Variants in LARP1B observed in about 807,000 individuals in gnomAD.
LARP1B encodes la-related protein 1B.
In LARP1B, 76 loss-of-function variants were observed where a neutral mutation model predicts 114.2. That is an observed-to-expected ratio of 0.67 (90% CI 0.55 to 0.81). The LOEUF is 0.81. Among genes scored for constraint, LARP1B ranks in the 30% least tolerant of loss-of-function variants. The probability of loss-of-function intolerance (pLI) is 0.00; values close to 1 mark genes in which losing one functional copy is unlikely to be tolerated. For missense variants in LARP1B, 1,014 were observed against 1,075.8 expected, an observed-to-expected ratio of 0.94 and a Z score of 0.80; for synonymous variants, 345 against 348.0, an observed-to-expected ratio of 0.99 and a Z score of 0.10.
chr4:128,095,831 T>A (rs1450530541), intron 7 of LARP1B, among the ~76,000 whole-genome samples: 2 of 152,150 alleles, frequency 1.3e-5, no homozygotes, highest in African/African-American at 4.8e-5. Context: ...TTTGAAAACT[T>A]TCTCTGTGAT....
intron 11 of LARP1B, among the ~76,000 whole-genome samples, chr4:128,126,249 G>A (rs997398415): frequency 5.3e-5 from 8 of 150,778 alleles, no homozygotes; most frequent in African/African-American, 2.0e-4. Flanking sequence ...AGCCTCCAAA[G>A]TAGCTGGGAT....
chr4:128,116,338 T>C (rs11939629), intron 10 of LARP1B, among the ~76,000 whole-genome samples: 4,054 of 152,304 alleles, frequency 0.027, 169 homozygotes, highest in African/African-American at 0.093. Context: ...TGTGAGATGT[T>C]AACATTGGGG....
At chr4:128,122,395 T>C in intron 11 of LARP1B, 1 of 1,479,562 alleles carries the variant, frequency 6.8e-7, no homozygotes, top group Non-Finnish European at 9.0e-7. Context: ...TGATGAATAC[T>C]GTAATTACAA....
chr4:128,187,768 A>G (rs1295218804), intron 15 of LARP1B, among the ~76,000 whole-genome samples: 4 of 152,138 alleles, frequency 2.6e-5, no homozygotes, highest in Non-Finnish European at 4.4e-5. Context: ...AATCCCCAGT[A>G]TTGGAGGTGG....
chr4:128,099,474 A>G (rs528528295), intron 8 of LARP1B, among the ~76,000 whole-genome samples: 13 of 151,860 alleles, frequency 8.6e-5, no homozygotes, highest in Non-Finnish European at 1.3e-4. Flanking sequence ...TTTAGTAGAG[A>G]CAGGGTTTCC....
chr4:128,121,459 A>C (rs749463273), intron 10 of LARP1B, among the ~76,000 whole-genome samples: 31 of 152,388 alleles, frequency 2.0e-4, no homozygotes, highest in Non-Finnish European at 4.4e-4. Flanking sequence ...AGCTGGGAAT[A>C]CAGCAATCCA....
chr4:128,126,892 G>A (rs535671820), intron 11 of LARP1B, among the ~76,000 whole-genome samples: 2 of 151,342 alleles, frequency 1.3e-5, no homozygotes, highest in Non-Finnish European at 2.9e-5. Flanking sequence ...TTTAGTCAGA[G>A]TTCCAGAATG....
In LARP1B at chr4:128,068,943, A is replaced by G. The variant is rs1008518434; in HGVS notation, c.-77-5517A>G. On this transcript the variant is annotated intron_variant, in intron 1 of 19. Transcript: ENST00000326639. ...TCTGCAGACTAGTTTTAACAGATAA[A>G]TAATACCTGTAAGCAGACATGATTG... is the stretch of plus-strand genomic sequence containing the variant. 4 of 556,096 alleles carry G rather than the reference A, an allele frequency of 7.2e-6. No homozygotes were observed. The African/African-American group carries it at 7.5e-5, about 10-fold the overall frequency. 34.4% of individuals were successfully genotyped at this position (556,096 alleles called of 1,614,324 possible). A position where few individuals can be genotyped will look rare whatever the true frequency, so the allele number is the denominator to read the frequency against.
chr4:128,179,562 T>C lies in LARP1B; in HGVS notation c.2003+50T>C, dbSNP rs1405021524. 3 of 1,169,956 alleles carry C rather than the reference T, an allele frequency of 2.6e-6. No homozygotes were observed. In the African/African-American group the frequency reaches 4.6e-5, roughly 18 times the overall value. 72.5% of individuals were successfully genotyped at this position (1,169,956 alleles called of 1,614,324 possible). On this transcript the variant is annotated intron_variant, in intron 15 of 19. Coordinates refer to ENST00000326639, the MANE Select transcript of LARP1B (RefSeq NM_018078.4). ...TTTTTGTTCGTGATTTGAAGTTTTT[T>C]GAAAACAGTTACTAATTGGATATTT...
chr4:128,199,240 G>A (rs1292656857), intron 15 of LARP1B, among the ~76,000 whole-genome samples, 199 bp from the exon 16 acceptor site: 1 of 152,098 alleles, frequency 6.6e-6, no homozygotes, highest in Non-Finnish European at 1.5e-5. Context: ...CTTTTTATCA[G>A]CTTCTGAATT....
At chr4:128,102,003 G>GTA (rs1243279007) in intron 8 of LARP1B, among the ~76,000 whole-genome samples, 2 of 152,188 alleles carry the variant, frequency 1.3e-5, no homozygotes, top group Non-Finnish European at 2.9e-5. Context: ...ACCTACAGCA[G>GTA]TAAGGAAGGA....
intron 15 of LARP1B, among the ~76,000 whole-genome samples, chr4:128,197,715 GA>G (rs900559052): frequency 3.3e-5 from 5 of 151,106 alleles, no homozygotes; most frequent in South Asian, 2.1e-4. Flanking sequence ...AACAAAGAAA[GA>G]AAAAAAACCT....
At chr4:128,200,453 A>G in intron 16 of LARP1B, 68 bp from the exon 17 acceptor site, 2 of 1,009,742 alleles carry the variant, frequency 2.0e-6, no homozygotes, top group Non-Finnish European at 2.8e-6. Flanking sequence ...CATTTTATAT[A>G]TAACATCTGC....
At chr4:128,062,920 A>G (rs1426806888) in intron 1 of LARP1B, among the ~76,000 whole-genome samples, 3 of 152,168 alleles carry the variant, frequency 2.0e-5, no homozygotes, top group African/African-American at 7.2e-5. Context: ...TAATTAAAAA[A>G]AATAAAGTGC....
chr4:128,061,735 G>A, intron 1 of LARP1B: 1 of 984,996 alleles, frequency 1.0e-6, no homozygotes, highest in African/African-American at 1.7e-5. Context: ...ATTCTCGGGA[G>A]GATCCGCCCG....
chr4:128,089,157 G>A (rs1774862212), intron 5 of LARP1B, among the ~76,000 whole-genome samples: 1 of 151,962 alleles, frequency 6.6e-6, no homozygotes, highest in South Asian at 2.1e-4. Context: ...AGTGGGTGGT[G>A]GTCATGGATG....
chr4:128,112,437 G>A (rs1170778767), intron 9 of LARP1B, among the ~76,000 whole-genome samples: 1 of 143,050 alleles, frequency 7.0e-6, no homozygotes, highest in Admixed American at 7.1e-5. Context: ...TGAAGTGATA[G>A]ATAACTGCAT....
chr4:128,162,157 G>C (rs746529483), intron 11 of LARP1B, 37 bp from the exon 12 acceptor site: 1 of 1,601,270 alleles, frequency 6.2e-7, no homozygotes, highest in Non-Finnish European at 8.5e-7. Flanking sequence ...TACTCTGTTA[G>C]CCAGTTTAGT....
Position 128,065,291 on chromosome 4 carries a change from TTCTTTCTTTCTTTCTTTCTTTCTTTC to T in LARP1B, c.-78+3894_-78+3919del, listed in dbSNP as rs200639943. Among the ~76,000 whole-genome samples, 9 of 136,574 alleles carry T rather than the reference TTCTTTCTTTCTTTCTTTCTTTCTTTC, an allele frequency of 6.6e-5. 1 individual carries two copies. In the East Asian group the frequency reaches 1.6e-3, roughly 24 times the overall value. 89.6% of individuals were successfully genotyped at this position (136,574 alleles called of 152,430 possible). A position where few individuals can be genotyped will look rare whatever the true frequency, so the allele number is the denominator to read the frequency against. ...TTTCTTTCTTTCTTTCTTTCTTTCT[TTCTTTCTTTCTTTCTTTCTTTCTTTC>T]TCTCTCTCTCTCTCTTTCCTTTCTT... On this transcript the variant is annotated intron_variant, in intron 1 of 19. Transcript: ENST00000326639.
Sources: allele counts gnomAD v4.1 joint callset (sites outside exome capture counted in the v4.1 genomes callset), GRCh38; gene constraint gnomAD v4.1.1; transcripts MANE v1.5; gene names NCBI Gene and HGNC (gene_info 2026-07-23, HGNC 2026-07-21).